Variants in CHIT1 observed in about 807,000 individuals in gnomAD.
CHIT1 encodes the protein chitinase 1, also known as chitotriosidase-1.
A neutral mutation model predicts 52.0 loss-of-function variants in CHIT1; 47 were observed. The observed-to-expected ratio is 0.90, with a 90% confidence interval of 0.71 to 1.15. The LOEUF (loss-of-function observed/expected upper bound fraction) is 1.15. CHIT1 is among the 50% of genes most tolerant of loss of function. The pLI is 0.00. For synonymous variants in CHIT1, 242 were observed against 228.2 expected (o/e 1.06, Z -0.54); for missense variants, 569 against 583.0 (o/e 0.98, Z 0.25).
rs142332008 is a variant in CHIT1 at position 203,217,807 on chromosome 1, T to C, written c.1088A>G (p.Asp363Gly). ...GGAMVWALDL[D>G]DFAGFSCNQG... ...GTTGCAGGAGAAGCCGGCAAAGTCA[T>C]CTAAGTCCAGTGCCCAGACCATGGC... Residue 363 changes from aspartate (D) to glycine (G), a missense_variant, in exon 10 of 11, where the codon GAT becomes GGT. Asp to Gly is a moderately conservative substitution (Grantham distance 94). Coordinates refer to ENST00000367229, the MANE Select transcript of CHIT1 (RefSeq NM_003465.3). The C allele has an allele frequency of 1.2e-5, 15 of 1,239,048 alleles. No homozygotes were observed. Among genetic ancestry groups the C allele is most frequent in the Non-Finnish European group, 1.6e-5 (14 of 894,096 alleles). 76.8% of individuals were successfully genotyped at this position (1,239,048 alleles called of 1,614,324 possible).
At chr1:203,228,408 G>A in intron 2 of CHIT1, 125 bp downstream of exon 2, 1 of 1,058,342 alleles carries the variant, frequency 9.4e-7, no homozygotes, top group South Asian at 1.3e-5. Flanking sequence ...GCAGGGGTCT[G>A]AGCTTTGGAA....
In CHIT1 at chr1:203,219,781, G is replaced by A. The variant is rs1656666121; in HGVS notation, c.798C>T (p.Thr266=). The A allele has an allele frequency of 1.2e-6, 2 of 1,613,328 alleles. No individual in the cohort carries two copies. The highest frequency in any genetic ancestry group is 2.2e-5 in the East Asian group (1 of 44,884). The change falls in exon 8 of 11, where the codon ACC becomes ACT. Residue 266 remains threonine (T), a synonymous_variant. Transcript: ENST00000367229. ...PASKLILGMP[T]YGRSFTLASS... ...AGGCCAGTGTGAAGGAGCGTCCGTA[G>A]GTAGGCATGCCAAGGATCAGCTTGC... is the stretch of plus-strand genomic sequence containing the variant.
In CHIT1 at chr1:203,217,765, AG is replaced by A. The variant is rs771290544; in HGVS notation, c.1129del (p.Leu377SerfsTer9). 6.8e-6 allele frequency: 11 copies of A among 1,613,564 alleles called. No individual in the cohort carries two copies. The highest frequency in any genetic ancestry group is 4.5e-5 in the East Asian group (2 of 44,858). ...CAGTTCCTGCCGTAGCGTCTGGATGAGGGGGTATCGGCCCTGGTTGCAGGAG... is the reference window on the plus strand; with the variant it reads ...CAGTTCCTGCCGTAGCGTCTGGATGAGGGGTATCGGCCCTGGTTGCAGGAG... ...GFSCNQGRYP[L>X]IQTLRQELSL... On this transcript the variant is annotated frameshift_variant, in exon 10 of 11. Transcript: ENST00000367229. LOFTEE classifies it low-confidence loss of function (END_TRUNC).
chr1:203,223,461 A>C (rs778071749), intron 5 of CHIT1, 34 bp downstream of exon 5: 1 of 1,613,098 alleles, frequency 6.2e-7, no homozygotes, highest in Non-Finnish European at 8.5e-7. Context: ...GGGTCCCTGC[A>C]CAGACTGGTG....
intron 3 of CHIT1, 134 bp from the exon 4 acceptor site, chr1:203,225,238 A>G: frequency 1.3e-6 from 1 of 787,724 alleles, no homozygotes; most frequent in Non-Finnish European, 2.2e-6. Flanking sequence ...TGTATTAGGC[A>G]TTCTGGGGAC....
intron 2 of CHIT1, 43 bp from the exon 3 acceptor site, chr1:203,225,913 C>A: frequency 6.2e-7 from 1 of 1,603,228 alleles, no homozygotes; most frequent in Non-Finnish European, 8.5e-7. Flanking sequence ...GTCAGCAGGA[C>A]CTTCTGGGGA....
chr1:203,229,896 G>T (rs946071058), upstream of CHIT1: 1 of 548,680 alleles, frequency 1.8e-6, no homozygotes, highest in African/African-American at 1.9e-5. Flanking sequence ...AGAGGAAAGC[G>T]GGAAGTGGCC....
chr1:203,228,955 C>G (rs1657035888), intron 1 of CHIT1, among the ~76,000 whole-genome samples: 1 of 152,160 alleles, frequency 6.6e-6, no homozygotes, highest in African/African-American at 2.4e-5. Context: ...TCTGGAAGGG[C>G]TGCATGGAGA....
chr1:203,220,740 C>T (rs1417356609), intron 7 of CHIT1, among the ~76,000 whole-genome samples: 1 of 152,198 alleles, frequency 6.6e-6, no homozygotes. Context: ...ATCTATACAA[C>T]TTATCTTTGA....
At chr1:203,218,309 C>T (rs1656612819) in intron 9 of CHIT1, among the ~76,000 whole-genome samples, 1 of 152,212 alleles carries the variant, frequency 6.6e-6, no homozygotes, top group Non-Finnish European at 1.5e-5. Flanking sequence ...GTCTTCATGT[C>T]TTTGTCTTCC....
intron 4 of CHIT1, among the ~76,000 whole-genome samples, chr1:203,223,939 G>A (rs1192013794): frequency 5.9e-5 from 9 of 152,134 alleles, no homozygotes; most frequent in Admixed American, 5.9e-4. Flanking sequence ...TCCCTCCAGA[G>A]GCTTCCTCCA....
chr1:203,227,866 G>A (rs1656982048), intron 2 of CHIT1, among the ~76,000 whole-genome samples: 2 of 152,200 alleles, frequency 1.3e-5, no homozygotes, highest in Non-Finnish European at 2.9e-5. Context: ...TACCTCCAAT[G>A]CTACAGCCCA....
chr1:203,229,968 A>G, upstream of CHIT1: 4 of 412,654 alleles, frequency 9.7e-6, no homozygotes, highest in Non-Finnish European at 1.8e-5. Flanking sequence ...GAGGACCATA[A>G]GCAGCCCCAG....
At position 203,219,306 on chromosome 1, in the gene CHIT1, G is replaced by A. The variant is rs774861964; in HGVS notation, c.939C>T (p.Thr313=). Reference sequence around the variant, plus strand: ...CCTTCTGATCCTGGATTCTCTGTTTGGTGGCCCCCTTCCAGGAGCAGACCT... The same window carrying A: ...CCTTCTGATCCTGGATTCTCTGTTTAGTGGCCCCCTTCCAGGAGCAGACCT... ...YYEVCSWKGA[T]KQRIQDQKVP... Residue 313 remains threonine (T), a synonymous_variant, in exon 9 of 11, where the codon ACC becomes ACT. Transcript: ENST00000367229. The A allele has an allele frequency of 6.2e-7, 1 of 1,611,072 alleles. No individual in the cohort carries two copies. The highest frequency in any genetic ancestry group is 1.1e-5 in the South Asian group (1 of 91,032).
chr1:203,219,922 G>A, intron 7 of CHIT1, 73 bp from the exon 8 acceptor site: 1 of 1,566,872 alleles, frequency 6.4e-7, no homozygotes, highest in Non-Finnish European at 8.7e-7. Flanking sequence ...GGGGGATCCA[G>A]AGGCAGAGCT....
chr1:203,217,167 C>A, intron 10 of CHIT1, 34 bp from the exon 11 acceptor site: 1 of 1,599,600 alleles, frequency 6.3e-7, no homozygotes, highest in South Asian at 1.1e-5. Flanking sequence ...CCAAGGCTCC[C>A]CCGAAGAGAT....
At chr1:203,219,533 G>T in intron 8 of CHIT1, 131 bp downstream of exon 8, 1 of 1,172,304 alleles carries the variant, frequency 8.5e-7, no homozygotes. Flanking sequence ...GCATGGATGA[G>T]ATGGAATTTA....
intron 1 of CHIT1, among the ~76,000 whole-genome samples, chr1:203,229,407 T>C (rs1235870193): frequency 6.6e-6 from 1 of 152,140 alleles, no homozygotes; most frequent in Non-Finnish European, 1.5e-5. Flanking sequence ...ATGAAGTCTC[T>C]TGGGCTGAAA....
At chr1:203,228,709 C>T (rs548805632) in intron 1 of CHIT1, 147 bp from the exon 2 acceptor site, 19 of 935,186 alleles carry the variant, frequency 2.0e-5, no homozygotes, top group East Asian at 1.8e-4. Context: ...CCCAGGAGGG[C>T]ACTGTGCCCA....
Sources: allele counts gnomAD v4.1 joint callset (sites outside exome capture counted in the v4.1 genomes callset), GRCh38; gene constraint gnomAD v4.1.1; transcripts MANE v1.5; gene names NCBI Gene and HGNC (gene_info 2026-07-23, HGNC 2026-07-21).